Variants in LRIG3 observed in about 807,000 individuals in gnomAD.
LRIG3 encodes leucine-rich repeats and immunoglobulin-like domains protein 3.
A neutral mutation model predicts 114.5 loss-of-function variants in LRIG3; 76 were observed. That is an observed-to-expected ratio of 0.66 (90% CI 0.55 to 0.80). LRIG3 has a LOEUF of 0.80. Among genes scored for constraint, LRIG3 ranks in the 30% least tolerant of loss-of-function variants. The pLI, the probability that LRIG3 is intolerant of heterozygous loss-of-function variation, is 0.00. For missense variants in LRIG3, 1,239 were observed against 1,382.8 expected, an observed-to-expected ratio of 0.90 and a Z score of 1.65; for synonymous variants, 512 against 519.8, an observed-to-expected ratio of 0.98 and a Z score of 0.20.
intron 3 of LRIG3, among the ~76,000 whole-genome samples, chr12:58,891,542 T>C (rs1871455491): frequency 6.6e-6 from 1 of 152,188 alleles, no homozygotes; most frequent in South Asian, 2.1e-4. Flanking sequence ...TTCCAATTCT[T>C]CTCTTGAAAA....
At chr12:58,876,827 G>A (rs1208695559) in intron 15 of LRIG3, among the ~76,000 whole-genome samples, 1 of 152,178 alleles carries the variant, frequency 6.6e-6, no homozygotes, top group Non-Finnish European at 1.5e-5. Context: ...CCCATTGGAT[G>A]CACCTCCCAA....
intron 12 of LRIG3, among the ~76,000 whole-genome samples, chr12:58,881,309 C>A (rs1871120819): frequency 6.6e-6 from 1 of 150,550 alleles, no homozygotes; most frequent in Non-Finnish European, 1.5e-5. Flanking sequence ...AGATAATGAG[C>A]AGCAAAATTA....
Position 58,905,296 on chromosome 12 carries a change from A to C in LRIG3, c.383+8686T>G, listed in dbSNP as rs1872020432. Among the ~76,000 whole-genome samples, 4 of 152,254 alleles carry C rather than the reference A, an allele frequency of 2.6e-5. No individual in the cohort carries two copies. In the South Asian group the frequency reaches 8.3e-4, roughly 31 times the overall value. ...CTAGCAACCTTGAATTCTGGGGGCC[A>C]GTTTATATTTAAATGTGAAGATAAA... On this transcript the variant is annotated intron_variant, in intron 3 of 18. Coordinates refer to ENST00000320743, the MANE Select transcript of LRIG3 (RefSeq NM_153377.5).
rs1870828462 is a variant in LRIG3, at chr12:58,874,144, C to A, written c.3026G>T (p.Gly1009Val). The change falls in exon 18 of 19, where the codon GGA becomes GTA. Residue 1009 changes from glycine (G) to valine (V), a missense_variant. By Grantham distance (109) the Gly-to-Val change is moderately radical. Transcript: ENST00000320743. ...CTTGTTTAGACACAGATTTTTCATT[C>A]CAGGTCCTTCATTGTGAGAGTAACT... is the stretch of plus-strand genomic sequence containing the variant. ...NTSYSHNEGP[G>V]MKNLCLNKSS... 6.2e-7 allele frequency: 1 copy of A among 1,614,192 alleles called. No homozygotes were observed. The highest frequency in any genetic ancestry group is 8.5e-7 in the Non-Finnish European group (1 of 1,180,020).
At position 58,876,590 on chromosome 12, in the gene LRIG3, C is replaced by A. The variant is rs763152188; in HGVS notation, c.2550G>T (p.Leu850Phe). The A allele has an allele frequency of 3.7e-6, 6 of 1,614,012 alleles. No individual in the cohort carries two copies. The highest frequency in any genetic ancestry group is 5.1e-6 in the Non-Finnish European group (6 of 1,180,012). Residue 850 changes from leucine to phenylalanine, a missense_variant, in exon 16 of 19, where the codon TTG becomes TTT. Coordinates refer to ENST00000320743, the MANE Select transcript of LRIG3 (RefSeq NM_153377.5). ...ACAAATAACTAGGAATATCTGCTGG[C>A]AAGTTGGTCTCATCTGTAATAAAAC... ...CSITNTDETN[L>F]PADIPSYLSS...
intron 3 of LRIG3, among the ~76,000 whole-genome samples, chr12:58,892,853 C>A (rs570702612): frequency 3.3e-5 from 5 of 152,328 alleles, no homozygotes; most frequent in Admixed American, 3.3e-4. Context: ...CTAAAGCAAT[C>A]CCTTAAGGCT....
chr12:58,919,380 T>G, intron 1 of LRIG3: 2 of 1,551,184 alleles, frequency 1.3e-6, no homozygotes, highest in Non-Finnish European at 8.7e-7. Context: ...GCCCTTTCCA[T>G]AGCTACCGAC....
intron 3 of LRIG3, among the ~76,000 whole-genome samples, chr12:58,897,111 A>G (rs1871671192): frequency 6.6e-6 from 1 of 152,220 alleles, no homozygotes. Context: ...TAAACTGCTC[A>G]TCTCTTTTCT....
rs1007920369 is a variant in LRIG3 at position 58,908,264 on chromosome 12, C to G, written c.383+5718G>C. Among the ~76,000 whole-genome samples the G allele has an allele frequency of 3.9e-5, 6 of 152,156 alleles. No homozygotes were observed. In the East Asian group the frequency reaches 1.2e-3, roughly 29 times the overall value. On this transcript the variant is annotated intron_variant, in intron 3 of 18. Coordinates refer to ENST00000320743, the MANE Select transcript of LRIG3 (RefSeq NM_153377.5). Reference sequence around the variant, plus strand: ...AAGGTACTTTATGTAGACAGTCTTCCCCTCTCAATGAATCTAACATGGGCA... The same window carrying G: ...AAGGTACTTTATGTAGACAGTCTTCGCCTCTCAATGAATCTAACATGGGCA...
chr12:58,874,808 G>C (rs1249252556), intron 16 of LRIG3, among the ~76,000 whole-genome samples: 1 of 152,204 alleles, frequency 6.6e-6, no homozygotes, highest in Non-Finnish European at 1.5e-5. Flanking sequence ...AAACTGATAT[G>C]TGCAGATCCT....
chr12:58,880,682 C>T lies in LRIG3; in HGVS notation c.1700G>A (p.Arg567Gln), dbSNP rs769731705. ...ACTGGCAAATTCCACCTCGCGCAGC[C>T]GAAGGATGGTGGTATACTCCATCAC... ...GEVMEYTTIL[R>Q]LREVEFASEG... Residue 567 changes from arginine to glutamine, a missense_variant, in exon 13 of 19, where the codon CGG becomes CAG. Physicochemically the swap from Arg to Gln is conservative, Grantham distance 43 (BLOSUM62 1). Transcript: ENST00000320743. 25 of 1,614,050 alleles carry T rather than the reference C, an allele frequency of 1.5e-5. No individual in the cohort carries two copies. The highest frequency in any genetic ancestry group is 8.0e-5 in the African/African-American group (6 of 74,918).
intron 3 of LRIG3, among the ~76,000 whole-genome samples, chr12:58,906,878 G>A (rs1350469854): frequency 6.6e-6 from 1 of 151,150 alleles, no homozygotes; most frequent in African/African-American, 2.4e-5. Flanking sequence ...AAAATGAAAT[G>A]ACCTTTAGTA....
intron 10 of LRIG3, among the ~76,000 whole-genome samples, chr12:58,884,637 T>A (rs772528242): frequency 6.6e-6 from 1 of 152,202 alleles, no homozygotes; most frequent in Non-Finnish European, 1.5e-5. Context: ...AGAATCATTC[T>A]ACTATAATTT....
chr12:58,887,898 C>T lies in LRIG3; in HGVS notation c.982G>A (p.Asp328Asn). 6.2e-7 allele frequency: 1 copy of T among 1,613,784 alleles called. No individual in the cohort carries two copies. Among genetic ancestry groups the T allele is most frequent in the Non-Finnish European group, 8.5e-7 (1 of 1,179,780 alleles). Reference protein sequence around the residue: ...LTFNHLSRLDDSSFLGLSLLN... With the variant: ...LTFNHLSRLDNSSFLGLSLLN... The stretch of plus-strand genomic sequence containing the variant: ...AAGCTTAGGCCAAGGAAGCTTGAAT[C>T]ATCTAACCTTGATAAGTGATTGAAA... The change falls in exon 8 of 19, where the codon GAT becomes AAT. Residue 328 changes from aspartate to asparagine, a missense_variant. Coordinates refer to ENST00000320743, the MANE Select transcript of LRIG3 (RefSeq NM_153377.5).
rs1214752529 is a variant in LRIG3 at position 58,880,921 on chromosome 12, G to A, written c.1481-20C>T. ...AATCATCTGTTAAAAATGGAGAGGA[G>A]GAGACAAAACAATGTTAAGGCTCAA... On this transcript the variant is annotated intron_variant, in intron 12 of 18. Transcript: ENST00000320743. 7 of 1,601,634 alleles carry A rather than the reference G, an allele frequency of 4.4e-6. No homozygotes were observed. In the South Asian group the frequency reaches 5.6e-5, roughly 13 times the overall value.
In LRIG3 at chr12:58,888,932, T is replaced by A. The variant is rs187726545; in HGVS notation, c.690A>T (p.Val230=). The A allele has an allele frequency of 1.7e-5, 27 of 1,613,726 alleles. No individual in the cohort carries two copies. In the East Asian group the frequency reaches 6.0e-4, roughly 36 times the overall value. ...LELNRNKIKN[V]DGLTFQGLGA... ...CAAGGCCTTGGAATGTCAGTCCATC[T>A]ACATTTTTAATCTTGTTTCGGTTCA... Residue 230 remains valine (V), a synonymous_variant, in exon 6 of 19, where the codon GTA becomes GTT. Coordinates refer to ENST00000320743, the MANE Select transcript of LRIG3 (RefSeq NM_153377.5).
rs778626229 is a variant in LRIG3 at position 58,914,330 on chromosome 12, T to A, written c.243A>T (p.Leu81Phe). Residue 81 changes from leucine to phenylalanine, a missense_variant, in exon 2 of 19, where the codon TTA (leucine) becomes TTT (phenylalanine). By Grantham distance (22) the Leu-to-Phe change is conservative. Coordinates refer to ENST00000320743, the MANE Select transcript of LRIG3 (RefSeq NM_153377.5). ...TGATGAAAGATAATCTGTTGTGACTTAAGTCCCTATAAGAAAACAAAAATA... is the reference window on the plus strand; with the variant it reads ...TGATGAAAGATAATCTGTTGTGACTAAAGTCCCTATAAGAAAACAAAAATA... ...PLPSWVARLD[L>F]SHNRLSFIKA... The A allele has an allele frequency of 3.7e-6, 6 of 1,611,722 alleles. No homozygotes were observed. The East Asian group carries it at 1.3e-4, about 36-fold the overall frequency.
intron 8 of LRIG3, among the ~76,000 whole-genome samples, chr12:58,887,340 G>C (rs1034987683): frequency 3.0e-4 from 46 of 152,172 alleles, no homozygotes; most frequent in African/African-American, 1.1e-3. Flanking sequence ...TACCATTTGA[G>C]AAATTTTTCA....
At chr12:58,906,090 T>C (rs1872054077) in intron 3 of LRIG3, among the ~76,000 whole-genome samples, 1 of 152,088 alleles carries the variant, frequency 6.6e-6, no homozygotes, top group African/African-American at 2.4e-5. Context: ...ATTCCATGGG[T>C]TTCTCTATAC....
Sources: gnomAD v4.1 joint callset for allele counts (sites outside exome capture counted in the v4.1 genomes callset) on GRCh38, gnomAD v4.1.1 for gene constraint, MANE v1.5 for transcripts, NCBI Gene and HGNC (gene_info 2026-07-23, HGNC 2026-07-21) for gene names.